Variants in CYFIP1 observed in about 807,000 individuals in gnomAD.
CYFIP1 encodes cytoplasmic FMR1 interacting protein 1.
A neutral mutation model predicts 163.5 loss-of-function variants in CYFIP1; 58 were observed. The observed-to-expected ratio is 0.35, with a 90% CI of 0.29 to 0.44. The LOEUF is 0.44. Ranked by LOEUF, CYFIP1 falls within the 20% of genes least tolerant of loss-of-function variation. The pLI, the probability that CYFIP1 is intolerant of heterozygous loss-of-function variation, is 1.00. For synonymous variants in CYFIP1, 663 were observed against 660.7 expected (o/e 1.00, Z -0.05); for missense variants, 1,338 against 1,653.8 (o/e 0.81, Z 3.31).
At chr15:22,962,276 C>T (rs79874703) in intron 1 of CYFIP1, among the ~76,000 whole-genome samples, 11,040 of 152,228 alleles carry the variant, frequency 0.073, 504 homozygotes, top group Non-Finnish European at 0.098. Flanking sequence ...TGCGAACTCA[C>T]TGCCCACACC....
intron 21 of CYFIP1, chr15:22,904,550 GAATT>G (rs2142019753): frequency 6.5e-6 from 1 of 153,258 alleles, no homozygotes; most frequent in Non-Finnish European, 1.5e-5. Flanking sequence ...ATGACGTGGT[GAATT>G]AATATGGGGA....
chr15:22,945,355 G>A (rs2062023094), intron 3 of CYFIP1, among the ~76,000 whole-genome samples: 1 of 152,188 alleles, frequency 6.6e-6, no homozygotes, highest in Non-Finnish European at 1.5e-5. Context: ...CCCGGTCCCA[G>A]AGAGGACTAG....
At chr15:22,870,478 T>A in intron 30 of CYFIP1, among the ~76,000 whole-genome samples, 1 of 152,086 alleles carries the variant, frequency 6.6e-6, no homozygotes, top group South Asian at 2.1e-4. Context: ...GCAGCTAATT[T>A]TTAAATTTAA....
chr15:22,891,659 G>T (rs561962343), intron 23 of CYFIP1, among the ~76,000 whole-genome samples: 1 of 152,316 alleles, frequency 6.6e-6, no homozygotes, highest in East Asian at 1.9e-4. Flanking sequence ...GTATGCCGAG[G>T]CTTGGGCCCT....
At chr15:22,886,573 G>A (rs1267664068) in intron 23 of CYFIP1, among the ~76,000 whole-genome samples, 8 of 152,002 alleles carry the variant, frequency 5.3e-5, no homozygotes, top group East Asian at 3.9e-4. Context: ...GCTAATTTCC[G>A]AGCATATAGA....
intron 21 of CYFIP1, among the ~76,000 whole-genome samples, chr15:22,907,639 G>C (rs1209614660): frequency 6.6e-6 from 1 of 152,224 alleles, no homozygotes; most frequent in East Asian, 1.9e-4. Flanking sequence ...ATGCACCAAT[G>C]ACCACGCACT....
At chr15:22,901,785 C>T (rs1470334600) in intron 22 of CYFIP1, among the ~76,000 whole-genome samples, 6 of 152,178 alleles carry the variant, frequency 3.9e-5, no homozygotes, top group Non-Finnish European at 5.9e-5. Context: ...GTTTATGTGT[C>T]TTCTCAGGAT....
In CYFIP1 at chr15:22,967,601, C is replaced by T. The variant is rs537535928; in HGVS notation, c.-7+12686G>A. 6.8e-4 allele frequency among the ~76,000 whole-genome samples: 104 copies of T among 152,232 alleles called. 2 individuals carry two copies. The South Asian group carries it at 0.02, about 30-fold the overall frequency. On this transcript the variant is annotated intron_variant, in intron 1 of 30. Coordinates refer to ENST00000617928, the MANE Select transcript of CYFIP1 (RefSeq NM_014608.6). ...TACAACATAGCACCCCACCACAGCCCGCAGCTACAACACAGCACATCTGCC... is the reference window on the plus strand; with the variant it reads ...TACAACATAGCACCCCACCACAGCCTGCAGCTACAACACAGCACATCTGCC...
chr15:22,892,774 C>A, intron 23 of CYFIP1, 116 bp downstream of exon 23: 3 of 725,526 alleles, frequency 4.1e-6, no homozygotes, highest in Non-Finnish European at 6.8e-6. Flanking sequence ...AAAAAAATAA[C>A]ATTTTATACA....
chr15:22,953,368 A>G (rs2062325357), intron 1 of CYFIP1, among the ~76,000 whole-genome samples: 1 of 152,068 alleles, frequency 6.6e-6, no homozygotes, highest in African/African-American at 2.4e-5. Flanking sequence ...TCCGTCTCTA[A>G]CTGCCACCAG....
rs568171931 is a variant in CYFIP1 at position 22,947,860 on chromosome 15, C to T, written c.-6-569G>A. 1.5e-5 allele frequency: 13 copies of T among 855,602 alleles called. No individual in the cohort carries two copies. The South Asian group carries it at 2.7e-4, about 18-fold the overall frequency. 53.0% of individuals were successfully genotyped at this position (855,602 alleles called of 1,614,324 possible). On this transcript the variant is annotated intron_variant, in intron 1 of 30. Coordinates refer to ENST00000617928, the MANE Select transcript of CYFIP1 (RefSeq NM_014608.6). ...CCGCAGGGGACAGAAAGTGCCACACCGCAGCTGGAGCAGAGGTGCAGAAAT... is the reference window on the plus strand; with the variant it reads ...CCGCAGGGGACAGAAAGTGCCACACTGCAGCTGGAGCAGAGGTGCAGAAAT...
intron 30 of CYFIP1, among the ~76,000 whole-genome samples, chr15:22,871,309 TAA>T (rs975471640): frequency 5.3e-5 from 8 of 151,968 alleles, no homozygotes; most frequent in South Asian, 2.1e-4. Flanking sequence ...GATAAAGAAA[TAA>T]GAGATGGAAA....
At chr15:22,906,805 A>C (rs552726797) in intron 21 of CYFIP1, among the ~76,000 whole-genome samples, 147 of 152,284 alleles carry the variant, frequency 9.7e-4, no homozygotes, top group Middle Eastern at 6.8e-3. Context: ...CTCACTGTGA[A>C]AGATGAAGTT....
At chr15:22,903,165 C>CATGT (rs2060453413) in intron 22 of CYFIP1, among the ~76,000 whole-genome samples, 1 of 152,128 alleles carries the variant, frequency 6.6e-6, no homozygotes. Flanking sequence ...GTGACACAGA[C>CATGT]ATGTCCCTGG....
chr15:22,919,064 A>G (rs1196254626), intron 13 of CYFIP1, among the ~76,000 whole-genome samples: 2 of 152,182 alleles, frequency 1.3e-5, no homozygotes, highest in Non-Finnish European at 2.9e-5. Flanking sequence ...CCATCAGACC[A>G]TGAGCACCTG....
At position 22,870,338 on chromosome 15, in the gene CYFIP1, T is replaced by TTG. The variant is rs1555394016; in HGVS notation, c.3598-147_3598-146insCA. On this transcript the variant is annotated intron_variant, in intron 30 of 30. Coordinates refer to ENST00000617928, the MANE Select transcript of CYFIP1 (RefSeq NM_014608.6). ...ATACTGTTCTTTTTGGGTTTTTTTT[T>TTG]GTAAGATAGGGTCTCACTCTGACGC... is the stretch of plus-strand genomic sequence containing the variant. The TTG allele has an allele frequency of 1.1e-5, 11 of 971,140 alleles. 1 individual carries two copies. The Admixed American group carries it at 2.8e-4, about 25-fold the overall frequency. The allele number at this position is 971,140 out of a possible 1,614,324, so 60.2% of individuals were successfully genotyped here. A position where few individuals can be genotyped will look rare whatever the true frequency, so the allele number is the denominator to read the frequency against.
chr15:22,962,412 TCTTGAGACGGAG>T (rs2062715386), intron 1 of CYFIP1, among the ~76,000 whole-genome samples: 11 of 151,026 alleles, frequency 7.3e-5, no homozygotes, highest in Admixed American at 1.3e-4. Flanking sequence ...TTTTTTTTTT[TCTTGAGACGGAG>T]TTTTGCTCTT....
intron 26 of CYFIP1, among the ~76,000 whole-genome samples, chr15:22,878,016 G>T (rs564127056): frequency 6.6e-6 from 1 of 152,204 alleles, no homozygotes; most frequent in Non-Finnish European, 1.5e-5. Context: ...GCTGTGTACA[G>T]ACCACCCTCT....
At chr15:22,900,399 C>CTTT (rs35697922) in intron 22 of CYFIP1, among the ~76,000 whole-genome samples, 1 of 135,070 alleles carries the variant, frequency 7.4e-6, no homozygotes, top group African/African-American at 2.7e-5. Flanking sequence ...AATTTCTGTT[C>CTTT]TTTTTTTTTT....
Sources: gnomAD v4.1 joint callset for allele counts (sites outside exome capture counted in the v4.1 genomes callset) on GRCh38, gnomAD v4.1.1 for gene constraint, MANE v1.5 for transcripts, NCBI Gene and HGNC (gene_info 2026-07-23, HGNC 2026-07-21) for gene names.